Variants in VPS26C observed in about 807,000 individuals in gnomAD.
VPS26C encodes the protein VPS26 endosomal protein sorting factor C.
Under a neutral mutation model 30.6 loss-of-function variants are expected in VPS26C, and 19 were observed. The observed-to-expected ratio is 0.62, with a 90% CI of 0.43 to 0.91. The LOEUF (loss-of-function observed/expected upper bound fraction) is 0.91, where lower values mean the gene tolerates loss of function less well. Ranked by LOEUF, VPS26C falls within the 40% of genes least tolerant of loss-of-function variation. The pLI is 0.00. For missense variants in VPS26C, 318 were observed against 385.1 expected (o/e 0.83, Z 1.46); for synonymous variants, 132 against 151.5 (o/e 0.87, Z 0.95).
At chr21:37,237,082 G>A (rs1029752484) in intron 3 of VPS26C, among the ~76,000 whole-genome samples, 1 of 152,178 alleles carries the variant, frequency 6.6e-6, no homozygotes, top group African/African-American at 2.4e-5. Context: ...TGCCTGGCCA[G>A]CACACACGTT....
At chr21:37,264,590 T>C (rs1050159993) in intron 1 of VPS26C, among the ~76,000 whole-genome samples, 7 of 152,240 alleles carry the variant, frequency 4.6e-5, no homozygotes, top group Admixed American at 1.3e-4. Context: ...TAAATGCATA[T>C]ATAGTCTCCT....
intron 2 of VPS26C, 88 bp from the exon 3 acceptor site, chr21:37,238,697 C>T (rs1453508610): frequency 6.6e-7 from 1 of 1,512,840 alleles, no homozygotes; most frequent in Non-Finnish European, 8.9e-7. Flanking sequence ...ACACAGCACC[C>T]CGACCCCCTG....
chr21:37,230,641 A>G (rs2085951783), intron 5 of VPS26C: 1 of 152,280 alleles, frequency 6.6e-6, no homozygotes, highest in Non-Finnish European at 1.5e-5. Context: ...CTATACCTAG[A>G]AAAGCCACAA....
At position 37,250,899 on chromosome 21, in the gene VPS26C, C is replaced by CAA. The variant is rs11450988; in HGVS notation, c.58-10262_58-10261dup. On this transcript the variant is annotated intron_variant, in intron 1 of 7. Coordinates refer to ENST00000309117, the MANE Select transcript of VPS26C (RefSeq NM_006052.2). Reference sequence around the variant, plus strand: ...TGGGCAACAGAGTGAGACTCCATTTCAAAAAAAAAAAAAAAAAGACATCGA... The same window carrying CAA: ...TGGGCAACAGAGTGAGACTCCATTTCAAAAAAAAAAAAAAAAAAAGACATCGA... Among the ~76,000 whole-genome samples, 499 of 78,006 alleles carry CAA rather than the reference C, an allele frequency of 6.4e-3. 7 individuals are homozygous for CAA. The highest frequency in any genetic ancestry group is 0.055 in the Middle Eastern group (7 of 128). The allele number at this position is 78,006 out of a possible 152,430, so 51.2% of individuals were successfully genotyped here.
At chr21:37,229,307 A>G (rs2085937654) in intron 5 of VPS26C, 1 of 152,232 alleles carries the variant, frequency 6.6e-6, no homozygotes, top group Non-Finnish European at 1.5e-5. Context: ...GCTAAAAAAA[A>G]ATCACAGAAA....
Position 37,232,439 on chromosome 21 carries a change from TC to T in VPS26C, c.444del (p.Lys149SerfsTer45). 6.2e-7 allele frequency: 1 copy of T among 1,614,126 alleles called. No homozygotes were observed. Among genetic ancestry groups the T allele is most frequent in the Non-Finnish European group, 8.5e-7 (1 of 1,180,002 alleles). On this transcript the variant is annotated frameshift_variant, in exon 5 of 8. Coordinates refer to ENST00000309117, the MANE Select transcript of VPS26C (RefSeq NM_006052.2). LOFTEE classifies it high-confidence loss of function. The part of the protein sequence containing the change: ...EFIVHSAPQK[G>X]KFTPSPVDFT... ...AAGTCCACGGGACTGGGAGTAAACT[TC>T]CCCTTCTGAGGCTAAAACGAGAGGT...
At chr21:37,266,764 A>C in intron 1 of VPS26C, 1 of 176,238 alleles carries the variant, frequency 5.7e-6, no homozygotes, top group Non-Finnish European at 1.2e-5. Flanking sequence ...AGTGACTACC[A>C]TCTAATATAT....
At chr21:37,251,511 G>T (rs2086193596) in intron 1 of VPS26C, among the ~76,000 whole-genome samples, 1 of 152,034 alleles carries the variant, frequency 6.6e-6, no homozygotes, top group Non-Finnish European at 1.5e-5. Context: ...TGCACCATTT[G>T]TGAAAAAGAG....
At chr21:37,251,673 G>A (rs1310235130) in intron 1 of VPS26C, among the ~76,000 whole-genome samples, 1 of 152,138 alleles carries the variant, frequency 6.6e-6, no homozygotes, top group African/African-American at 2.4e-5. Flanking sequence ...TGAAATTCAT[G>A]AATGTTGAAC....
chr21:37,254,872 G>T (rs914346453), intron 1 of VPS26C, among the ~76,000 whole-genome samples: 1 of 152,034 alleles, frequency 6.6e-6, no homozygotes, highest in Non-Finnish European at 1.5e-5. Context: ...GGTAGATCAC[G>T]TGTTAATTAA....
chr21:37,232,584 G>A (rs1032711438), intron 4 of VPS26C, 133 bp from the exon 5 acceptor site: 2 of 740,454 alleles, frequency 2.7e-6, no homozygotes, highest in Non-Finnish European at 4.7e-6. Flanking sequence ...AGAGGCGCAA[G>A]CCTGGGTCCT....
At chr21:37,266,048 G>A (rs1185362524) in intron 1 of VPS26C, among the ~76,000 whole-genome samples, 1 of 150,844 alleles carries the variant, frequency 6.6e-6, no homozygotes. Context: ...CTCCCTGGTA[G>A]CTTGGATTAG....
intron 5 of VPS26C, among the ~76,000 whole-genome samples, chr21:37,231,227 G>C (rs959589840): frequency 6.6e-6 from 1 of 152,158 alleles, no homozygotes; most frequent in East Asian, 1.9e-4. Flanking sequence ...ACACACACTC[G>C]ACAAACAGAA....
rs1371074635 is a variant in VPS26C, at chr21:37,238,601, C to T, written c.210G>A (p.Gln70=). The part of the protein sequence containing the change: ...EAFYNSVKPI[Q]IINSTIEMVK... ...CCATTTCTATGGTGCTGTTGATAAT[C>T]TGGATAGGCTGTAAACAAAAATCAG... The change falls in exon 3 of 8, where the codon CAG becomes CAA. Residue 70 remains glutamine (Q), a synonymous_variant. Transcript: ENST00000309117. The T allele has an allele frequency of 1.2e-6, 2 of 1,614,020 alleles. No individual in the cohort carries two copies. Among genetic ancestry groups the T allele is most frequent in the Admixed American group, 3.3e-5 (2 of 59,994 alleles).
chr21:37,247,940 G>A (rs950974052), intron 1 of VPS26C, among the ~76,000 whole-genome samples: 6 of 152,172 alleles, frequency 3.9e-5, no homozygotes, highest in Admixed American at 3.9e-4. Context: ...GGAGGCCGAG[G>A]CAGGAGGATT....
chr21:37,226,214 AG>A lies in VPS26C; in HGVS notation c.812-589del. 6.5e-6 allele frequency: 1 copy of A among 154,012 alleles called. No homozygotes were observed. Among genetic ancestry groups the A allele is most frequent in the Admixed American group, 6.4e-5 (1 of 15,652 alleles). The allele number at this position is 154,012 out of a possible 1,614,324, so 9.5% of individuals were successfully genotyped here. A position where few individuals can be genotyped will look rare whatever the true frequency, so the allele number is the denominator to read the frequency against. On this transcript the variant is annotated intron_variant, in intron 7 of 7. Transcript: ENST00000309117. The surrounding 1 kb of genome is among the most constrained non-coding windows in gnomAD (Gnocchi z 4.1). ...ACAAAAGGGATGTGTGTGAAGAGGAAGCACCTGACGACAAACAAGCACCATC... is the reference window on the plus strand; with the variant it reads ...ACAAAAGGGATGTGTGTGAAGAGGAACACCTGACGACAAACAAGCACCATC...
chr21:37,228,220 C>T lies in VPS26C; in HGVS notation c.658+3G>A. The T allele has an allele frequency of 6.2e-7, 1 of 1,610,652 alleles. No homozygotes were observed. The highest frequency in any genetic ancestry group is 2.2e-5 in the East Asian group (1 of 44,876). On this transcript the variant is annotated splice_donor_region_variant and intron_variant, in intron 6 of 7. Transcript: ENST00000309117. Reference sequence around the variant, plus strand: ...GCGCCAGGCCTGGTGGCACGGCCCTCACCGCACGTCTCCACGCGCACCAGC... The same window carrying T: ...GCGCCAGGCCTGGTGGCACGGCCCTTACCGCACGTCTCCACGCGCACCAGC...
At position 37,257,984 on chromosome 21, in the gene VPS26C, C is replaced by T. The variant is rs1285711012; in HGVS notation, c.57+9254G>A. On this transcript the variant is annotated intron_variant, in intron 1 of 7. Coordinates refer to ENST00000309117, the MANE Select transcript of VPS26C (RefSeq NM_006052.2). This position sits in a 1 kb window ranked among gnomAD's most constrained non-coding sequence, Gnocchi z 4.2. ...GCCTGCGCTGCGCTGCACATGGTAC[C>T]CGCGGCCCCAGCTGGCCAGTGTGTG... 6.7e-6 allele frequency among the ~76,000 whole-genome samples: 1 copy of T among 150,200 alleles called. No individual in the cohort carries two copies. Among genetic ancestry groups the T allele is most frequent in the African/African-American group, 2.5e-5 (1 of 39,494 alleles).
chr21:37,251,077 A>T (rs1033534716), intron 1 of VPS26C, among the ~76,000 whole-genome samples: 13 of 152,176 alleles, frequency 8.5e-5, no homozygotes, highest in African/African-American at 1.7e-4. Context: ...AAACAAAGAT[A>T]AAAAAATGTC....
Sources: allele counts gnomAD v4.1 joint callset (sites outside exome capture counted in the v4.1 genomes callset), GRCh38; gene constraint gnomAD v4.1.1; non-coding constraint Gnocchi (gnomAD v3.1); transcripts MANE v1.5; gene names NCBI Gene and HGNC (gene_info 2026-07-23, HGNC 2026-07-21).